SEPTIN8: variants seen among roughly 807,000 people sequenced by gnomAD.
SEPTIN8 encodes septin 8, also known as septin-8.
SEPTIN8 carries 22 observed loss-of-function variants against 53.1 expected under a neutral mutation model. The ratio of observed to expected loss-of-function variants is 0.41; its 90% CI spans 0.30 to 0.59. The LOEUF is 0.59. Ranked by LOEUF, SEPTIN8 falls within the 20% of genes least tolerant of loss-of-function variation. The probability of loss-of-function intolerance (pLI) is 0.24; values close to 1 mark genes in which losing one functional copy is unlikely to be tolerated. For missense variants in SEPTIN8, 536 were observed against 638.7 expected, an observed-to-expected ratio of 0.84 and a Z score of 1.73; for synonymous variants, 228 against 248.4, an observed-to-expected ratio of 0.92 and a Z score of 0.77.
At chr5:132,764,526 G>A in intron 2 of SEPTIN8, 107 bp from the exon 3 acceptor site, 1 of 902,236 alleles carries the variant, frequency 1.1e-6, no homozygotes, top group South Asian at 1.7e-5. Flanking sequence ...ATGGCCCCTG[G>A]ATAAGAGAAA....
At position 132,775,586 on chromosome 5, in the gene SEPTIN8, G is replaced by A. The variant is rs374929650; in HGVS notation, c.30+1522C>T. ...GAGTGTCTAGGATTCCTATCAGGCT[G>A]TCTGATTCTGGTTTCTCTACATACC... On this transcript the variant is annotated intron_variant, in intron 1 of 9. Transcript: ENST00000378719. The A allele has an allele frequency of 2.6e-5, 4 of 152,350 alleles. No individual in the cohort carries two copies. In the East Asian group the frequency reaches 7.7e-4, roughly 29 times the overall value. The allele number at this position is 152,350 out of a possible 1,614,324, so 9.4% of individuals were successfully genotyped here.
chr5:132,762,778 A>T, intron 4 of SEPTIN8, 133 bp from the exon 5 acceptor site: 1 of 958,924 alleles, frequency 1.0e-6, no homozygotes, highest in South Asian at 1.6e-5. Context: ...AGAGAGATGG[A>T]GCCACTCCCA....
intron 1 of SEPTIN8, among the ~76,000 whole-genome samples, chr5:132,771,307 A>C (rs1757297262): frequency 6.6e-6 from 1 of 152,184 alleles, no homozygotes; most frequent in South Asian, 2.1e-4. Flanking sequence ...GCTGTGGGTA[A>C]ATAAAGACCC....
In SEPTIN8 at chr5:132,751,983, C is replaced by A; in HGVS notation, c.*33G>T. The A allele has an allele frequency of 6.2e-7, 1 of 1,611,448 alleles. No homozygotes were observed. The highest frequency in any genetic ancestry group is 1.1e-5 in the South Asian group (1 of 90,006). ...GTCTCCAGTTCCATGCCCTGGTGGT[C>A]CTGAGCTGGCCCCATGTGTTGGAGC... is the stretch of plus-strand genomic sequence containing the variant. On this transcript the variant is annotated 3_prime_UTR_variant, in exon 10 of 10. Coordinates refer to ENST00000378719, the MANE Select transcript of SEPTIN8 (RefSeq NM_001098811.2).
In SEPTIN8 at chr5:132,761,517, C is replaced by T; in HGVS notation, c.903G>A (p.Arg301=). 1 of 1,613,796 alleles carries T rather than the reference C, an allele frequency of 6.2e-7. No homozygotes were observed. Among genetic ancestry groups the T allele is most frequent in the Non-Finnish European group, 8.5e-7 (1 of 1,180,006 alleles). ...AGCCCATCTCCTCCAACTTGCAGCG[C>T]CGGTAGAGCTCGTAGTGCCGGCTGT... ...QTHSRHYELY[R]RCKLEEMGFQ... is the part of the protein sequence containing the mutation. Residue 301 remains arginine, a synonymous_variant, in exon 7 of 10, where the codon CGG becomes CGA. Coordinates refer to ENST00000378719, the MANE Select transcript of SEPTIN8 (RefSeq NM_001098811.2). The surrounding 1 kb of genome is among the most constrained non-coding windows in gnomAD (Gnocchi z 5.8).
intron 9 of SEPTIN8, chr5:132,758,857 AAC>A (rs1755607711): frequency 1.3e-6 from 2 of 1,594,766 alleles, no homozygotes; most frequent in Non-Finnish European, 1.7e-6. Flanking sequence ...ACAAAACAAA[AAC>A]AGACACATTA....
intron 9 of SEPTIN8, chr5:132,758,606 T>A: frequency 6.2e-7 from 1 of 1,603,740 alleles, no homozygotes. Flanking sequence ...TCATGGCTTT[T>A]ACGTGTTTGC....
At chr5:132,753,032 C>T in intron 9 of SEPTIN8, 3 of 1,320,772 alleles carry the variant, frequency 2.3e-6, no homozygotes, top group Non-Finnish European at 3.3e-6. Context: ...CTTGGACTAC[C>T]ATGAGTTCTT....
In SEPTIN8 at chr5:132,762,451, C is replaced by A. The variant is rs766493465; in HGVS notation, c.696+33G>T. The A allele has an allele frequency of 1.9e-6, 3 of 1,607,450 alleles. No individual in the cohort carries two copies. In the Admixed American group the frequency reaches 5.0e-5, roughly 27 times the overall value. On this transcript the variant is annotated intron_variant, in intron 5 of 9. Transcript: ENST00000378719. ...CTGTGCCGGCTCCTCGCCCTCTGGCCCCAGGGCCCTGAGGCCCTCACCCAA... is the reference window on the plus strand; with the variant it reads ...CTGTGCCGGCTCCTCGCCCTCTGGCACCAGGGCCCTGAGGCCCTCACCCAA...
At chr5:132,767,986 C>CACAT (rs10524574) in intron 1 of SEPTIN8, among the ~76,000 whole-genome samples, 2 of 150,320 alleles carry the variant, frequency 1.3e-5, no homozygotes, top group African/African-American at 2.5e-5. Context: ...CACACACACA[C>CACAT]GCAGCCGCAG....
chr5:132,759,350 A>G lies in SEPTIN8; in HGVS notation c.1286+1452T>C, dbSNP rs75271834. On this transcript the variant is annotated intron_variant, in intron 9 of 9. Transcript: ENST00000378719. ...ATCATGGAGCCCAGGCCACATGGGAAAAGCAGGGAGACCAGACACCAGTGA... is the reference window on the plus strand; with the variant it reads ...ATCATGGAGCCCAGGCCACATGGGAGAAGCAGGGAGACCAGACACCAGTGA... Among the ~76,000 whole-genome samples, 66 of 152,218 alleles carry G rather than the reference A, an allele frequency of 4.3e-4. 1 individual carries two copies. In the East Asian group the frequency reaches 0.01, roughly 24 times the overall value.
intron 9 of SEPTIN8, chr5:132,753,216 C>T (rs1755014312): frequency 2.1e-6 from 1 of 482,356 alleles, no homozygotes; most frequent in Non-Finnish European, 3.7e-6. Flanking sequence ...TTTTTCTCCT[C>T]TGGGCCTGAA....
chr5:132,750,929 G>C lies in SEPTIN8; in HGVS notation c.*1087C>G. 8 of 1,614,250 alleles carry C rather than the reference G, an allele frequency of 5.0e-6. No homozygotes were observed. Among genetic ancestry groups the C allele is most frequent in the Non-Finnish European group, 6.8e-6 (8 of 1,180,042 alleles). On this transcript the variant is annotated 3_prime_UTR_variant, in exon 10 of 10. Transcript: ENST00000378719. ...TTCCCCGAATGAGCTGCTGAGGATG[G>C]AGCTGGCTATTCTGGACAGACTGCA...
Position 132,761,972 on chromosome 5 carries a change from G to T in SEPTIN8, c.697-76C>A. ...GCAGACTCTCCCTCCCTGCCCCTGGGTCCTAGGGAGGGGCAGCCAGACCTG... is the reference window on the plus strand; with the variant it reads ...GCAGACTCTCCCTCCCTGCCCCTGGTTCCTAGGGAGGGGCAGCCAGACCTG... On this transcript the variant is annotated intron_variant, in intron 5 of 9. Coordinates refer to ENST00000378719, the MANE Select transcript of SEPTIN8 (RefSeq NM_001098811.2). This position sits in a 1 kb window ranked among gnomAD's most constrained non-coding sequence, Gnocchi z 5.8. The T allele has an allele frequency of 7.5e-7, 1 of 1,333,980 alleles. No homozygotes were observed. The highest frequency in any genetic ancestry group is 1.0e-6 in the Non-Finnish European group (1 of 971,122). 82.6% of individuals were successfully genotyped at this position (1,333,980 alleles called of 1,614,324 possible).
chr5:132,770,812 C>T (rs1164536038), intron 1 of SEPTIN8, among the ~76,000 whole-genome samples: 3 of 152,146 alleles, frequency 2.0e-5, no homozygotes, highest in South Asian at 2.1e-4. Flanking sequence ...CAGGGGTGAG[C>T]GTTGTATATG....
chr5:132,764,940 T>G (rs1756429864), intron 2 of SEPTIN8, among the ~76,000 whole-genome samples: 1 of 151,908 alleles, frequency 6.6e-6, no homozygotes, highest in Admixed American at 6.5e-5. Flanking sequence ...AGAAGAGCAC[T>G]TTGTGTCCTT....
intron 1 of SEPTIN8, among the ~76,000 whole-genome samples, chr5:132,768,920 A>G (rs996361001): frequency 2.6e-5 from 4 of 152,212 alleles, no homozygotes; most frequent in African/African-American, 2.4e-5. Context: ...GGTATTATCT[A>G]TTACTTGCAA....
Position 132,764,224 on chromosome 5 carries a change from C to T in SEPTIN8, c.347G>A (p.Ser116Asn). The T allele has an allele frequency of 6.2e-7, 1 of 1,610,844 alleles. No homozygotes were observed. Among genetic ancestry groups the T allele is most frequent in the South Asian group, 1.1e-5 (1 of 90,692 alleles). ...TGGGGCCGCCCTTCCCGCCTCTTGC[C>T]TCTCATCCTTATTGATCTGATCCCC... ...GFGDQINKDE[S>N]YRPIVDYIDA... is the part of the protein sequence containing the mutation. Residue 116 changes from serine to asparagine, a missense_variant and splice_region_variant, in exon 3 of 10, where the codon AGT becomes AAT. Ser to Asn is a conservative substitution (Grantham distance 46). This residue lies in a region of SEPTIN8 where 395 missense variants were observed against 451.8 expected (regional missense o/e 0.87). Transcript: ENST00000378719.
chr5:132,758,622 G>C (rs940705801), intron 9 of SEPTIN8: 1 of 1,597,570 alleles, frequency 6.3e-7, no homozygotes, highest in Non-Finnish European at 8.5e-7. Flanking sequence ...TTTGCATAGA[G>C]AGGGGTGGCC....
Sources: allele counts gnomAD v4.1 joint callset (sites outside exome capture counted in the v4.1 genomes callset), GRCh38; gene constraint gnomAD v4.1.1; regional missense constraint gnomAD v4.1.1; non-coding constraint Gnocchi (gnomAD v3.1); transcripts MANE v1.5; gene names NCBI Gene and HGNC (gene_info 2026-07-23, HGNC 2026-07-21).